The following MDGA2 variants were observed in gnomAD, a reference collection of about 807,000 sequenced individuals.
MDGA2 encodes the protein MAM domain-containing glycosylphosphatidylinositol anchor protein 2.
MDGA2 carries 40 observed loss-of-function variants against 117.8 expected under a neutral mutation model. The observed-to-expected ratio is 0.34, with a 90% CI of 0.26 to 0.44. The LOEUF is 0.44. Ranked by LOEUF, MDGA2 falls within the 20% of genes least tolerant of loss-of-function variation. The probability of loss-of-function intolerance (pLI) is 1.00; values close to 1 mark genes in which losing one functional copy is unlikely to be tolerated. For missense variants in MDGA2, 1,123 were observed against 1,250.6 expected (o/e 0.90, Z 1.54); for synonymous variants, 452 against 439.0 (o/e 1.03, Z -0.37).
intron 1 of MDGA2, among the ~76,000 whole-genome samples, chr14:47,391,057 T>A (rs1193732059): frequency 6.6e-6 from 1 of 152,336 alleles, no homozygotes; most frequent in South Asian, 2.1e-4. Context: ...CTTTTGATGC[T>A]ATGCTTTTAA....
chr14:47,413,814 AC>A (rs1371821393), intron 1 of MDGA2, among the ~76,000 whole-genome samples: 1 of 152,056 alleles, frequency 6.6e-6, no homozygotes, highest in Non-Finnish European at 1.5e-5. Context: ...CGTTATGAAA[AC>A]AAGGGAATAG....
At chr14:47,570,069 G>A (rs75549103) in intron 1 of MDGA2, among the ~76,000 whole-genome samples, 3,988 of 152,066 alleles carry the variant, frequency 0.026, 63 homozygotes, top group Non-Finnish European at 0.039. Flanking sequence ...TAAAGGAAAA[G>A]GTTTTTTTTA....
chr14:47,087,587 A>G (rs191060111), intron 6 of MDGA2, among the ~76,000 whole-genome samples: 1 of 151,968 alleles, frequency 6.6e-6, no homozygotes, highest in Admixed American at 6.6e-5. Flanking sequence ...TTACATATCT[A>G]TGATGTCAGA....
intron 1 of MDGA2, among the ~76,000 whole-genome samples, chr14:47,316,755 A>G (rs1889822108): frequency 2.0e-5 from 3 of 152,072 alleles, no homozygotes; most frequent in Admixed American, 2.0e-4. Context: ...GGAGCCAAAT[A>G]TTTGTAGAAA....
At chr14:47,628,580 G>C (rs1897194418) in intron 1 of MDGA2, among the ~76,000 whole-genome samples, 1 of 152,140 alleles carries the variant, frequency 6.6e-6, no homozygotes, top group African/African-American at 2.4e-5. Context: ...ATTAACAAAT[G>C]GGCAATTTTC....
intron 1 of MDGA2, among the ~76,000 whole-genome samples, chr14:47,342,681 C>A (rs918295203): frequency 6.6e-6 from 1 of 151,938 alleles, no homozygotes; most frequent in African/African-American, 2.4e-5. Flanking sequence ...GATGTTGACC[C>A]GGAAAAACGG....
intron 14 of MDGA2, among the ~76,000 whole-genome samples, chr14:46,865,365 C>A (rs866583215): frequency 2.6e-5 from 4 of 151,794 alleles, no homozygotes; most frequent in African/African-American, 9.7e-5. Flanking sequence ...AACTCTCAAT[C>A]AATTAGGTAT....
At chr14:47,572,258 C>G (rs951988171) in intron 1 of MDGA2, among the ~76,000 whole-genome samples, 1 of 152,162 alleles carries the variant, frequency 6.6e-6, no homozygotes, top group African/African-American at 2.4e-5. Flanking sequence ...ACAATTTTGA[C>G]TTCCATGTGC....
At chr14:46,961,460 C>G (rs1885804489) in intron 8 of MDGA2, among the ~76,000 whole-genome samples, 1 of 152,070 alleles carries the variant, frequency 6.6e-6, no homozygotes. Context: ...TTTCTCCAAT[C>G]CTACTTAATC....
rs186730880 is a variant in MDGA2, at chr14:47,577,780, G to C, written c.280+96737C>G. Among the ~76,000 whole-genome samples the C allele has an allele frequency of 4.4e-4, 67 of 152,286 alleles. 1 individual carries two copies. The East Asian group carries it at 0.01, about 24-fold the overall frequency. On this transcript the variant is annotated intron_variant, in intron 1 of 16. Coordinates refer to ENST00000399232, the MANE Select transcript of MDGA2 (RefSeq NM_001113498.3). Reference sequence around the variant, plus strand: ...AAAATTCAATAAACAATAGATGCTGGCAAGGCTGTTTAGAAATAGAAATGC... The same window carrying C: ...AAAATTCAATAAACAATAGATGCTGCCAAGGCTGTTTAGAAATAGAAATGC...
intron 6 of MDGA2, among the ~76,000 whole-genome samples, chr14:47,074,547 G>C (rs577815543): frequency 6.6e-6 from 1 of 152,260 alleles, no homozygotes; most frequent in East Asian, 1.9e-4. Flanking sequence ...TGATCCGCCC[G>C]CTTCGCCCTC....
rs1221643535 is a variant in MDGA2 at position 46,931,524 on chromosome 14, G to GTT, written c.2090-11365_2090-11364insAA. 1.6e-3 allele frequency among the ~76,000 whole-genome samples: 135 copies of GTT among 86,196 alleles called. 2 individuals are homozygous for GTT. Among genetic ancestry groups the GTT allele is most frequent in the South Asian group, 9.9e-3 (28 of 2,832 alleles). The allele number at this position is 86,196 out of a possible 152,430, so 56.5% of individuals were successfully genotyped here. A position where few individuals can be genotyped will look rare whatever the true frequency, so the allele number is the denominator to read the frequency against. ...TTCCAATTGCTTTTAGTTTATTTTT[G>GTT]CTTTTTTTTTTTTTTTGAGATGGAG... is the stretch of plus-strand genomic sequence containing the variant. On this transcript the variant is annotated intron_variant, in intron 9 of 16. Transcript: ENST00000399232.
Position 47,585,838 on chromosome 14 carries a change from G to A in MDGA2, c.280+88679C>T, listed in dbSNP as rs182049932. Among the ~76,000 whole-genome samples, 178 of 151,688 alleles carry A rather than the reference G, an allele frequency of 1.2e-3. 2 individuals carry two copies. The highest frequency in any genetic ancestry group is 2.2e-3 in the Non-Finnish European group (146 of 67,828). On this transcript the variant is annotated intron_variant, in intron 1 of 16. Transcript: ENST00000399232. Reference sequence around the variant, plus strand: ...CACTGTGTATCACCTTCCTCAGTCCGGGAGCTCTCAGCTTACACATCATTC... The same window carrying A: ...CACTGTGTATCACCTTCCTCAGTCCAGGAGCTCTCAGCTTACACATCATTC...
intron 1 of MDGA2, among the ~76,000 whole-genome samples, chr14:47,640,108 G>A (rs775710340): frequency 1.3e-5 from 2 of 152,050 alleles, no homozygotes; most frequent in Non-Finnish European, 2.9e-5. Flanking sequence ...GAGCGTCTTC[G>A]CACATTTAAT....
At chr14:47,074,215 C>T (rs1214843781) in intron 6 of MDGA2, among the ~76,000 whole-genome samples, 2 of 152,026 alleles carry the variant, frequency 1.3e-5, no homozygotes, top group Non-Finnish European at 1.5e-5. Context: ...CTTATTTACT[C>T]TCTTTTTATT....
Position 46,918,760 on chromosome 14 carries a change from C to CTT in MDGA2, c.2238+1250_2238+1251dup, listed in dbSNP as rs34958634. ...TAAGAATATGCTACATACAGTGTAT[C>CTT]TTTTTTTTTTTTTTTTTGGAATCGG... On this transcript the variant is annotated intron_variant, in intron 10 of 16. Transcript: ENST00000399232. 9.9e-3 allele frequency among the ~76,000 whole-genome samples: 1,238 copies of CTT among 124,744 alleles called. 15 individuals are homozygous for CTT. The highest frequency in any genetic ancestry group is 0.016 in the Middle Eastern group (4 of 248). The allele number at this position is 124,744 out of a possible 152,430, so 81.8% of individuals were successfully genotyped here. A position where few individuals can be genotyped will look rare whatever the true frequency, so the allele number is the denominator to read the frequency against.
intron 1 of MDGA2, among the ~76,000 whole-genome samples, chr14:47,673,845 T>C (rs954673412): frequency 6.6e-6 from 1 of 151,908 alleles, no homozygotes; most frequent in African/African-American, 2.4e-5. Context: ...CGAGCTAGTG[T>C]CCTGCCCTGG....
Position 47,467,701 on chromosome 14 carries a change from C to A in MDGA2, c.281-166151G>T, listed in dbSNP as rs150577631. 6.6e-3 allele frequency among the ~76,000 whole-genome samples: 1,011 copies of A among 152,160 alleles called. 15 individuals are homozygous for A. Among genetic ancestry groups the A allele is most frequent in the African/African-American group, 0.023 (970 of 41,530 alleles). On this transcript the variant is annotated intron_variant, in intron 1 of 16. Coordinates refer to ENST00000399232, the MANE Select transcript of MDGA2 (RefSeq NM_001113498.3). ...GTTTTCTGTGCCTCCGTTTCCTTCT[C>A]TGTAAAATGAGGGATAAATGAAGTT...
rs373802720 is a variant in MDGA2 at position 47,053,601 on chromosome 14, GTATATATATATATATATATATATA to G, written c.1525+7624_1525+7647del. 3.0e-3 allele frequency among the ~76,000 whole-genome samples: 319 copies of G among 107,598 alleles called. 5 individuals carry two copies. Among genetic ancestry groups the G allele is most frequent in the East Asian group, 0.013 (49 of 3,800 alleles). The allele number at this position is 107,598 out of a possible 152,430, so 70.6% of individuals were successfully genotyped here. A position where few individuals can be genotyped will look rare whatever the true frequency, so the allele number is the denominator to read the frequency against. ...TAGCAAATACTCCTAGTGTGTATGT[GTATATATATATATATATATATATA>G]TATATATATATATATATATATATAT... On this transcript the variant is annotated intron_variant, in intron 7 of 16. Transcript: ENST00000399232.
Sources: allele counts gnomAD v4.1 joint callset (sites outside exome capture counted in the v4.1 genomes callset), GRCh38; gene constraint gnomAD v4.1.1; transcripts MANE v1.5; gene names NCBI Gene and HGNC (gene_info 2026-07-23, HGNC 2026-07-21).